Variants in OR14A16 observed in about 807,000 individuals in gnomAD.
OR14A16 encodes the protein olfactory receptor 14A16.
For synonymous variants in OR14A16, 135 were observed against 137.6 expected (o/e 0.98, Z 0.13); for missense variants, 341 against 366.5 (o/e 0.93, Z 0.57).
intron 2 of OR14A16, among the ~76,000 whole-genome samples, chr1:247,816,826 C>T (rs962479121): frequency 3.3e-5 from 5 of 150,786 alleles, no homozygotes; most frequent in African/African-American, 1.2e-4. Context: ...ACTTTTTTCT[C>T]ATATTTAATA....
At position 247,814,794 on chromosome 1, in the gene OR14A16, C is replaced by T; in HGVS notation, c.*6G>A. Reference sequence around the variant, plus strand: ...TCTATTATTGAAAGAAGAAAAGCAACAGCTTTTACTTTTTGGTGAGCTTTC... The same window carrying T: ...TCTATTATTGAAAGAAGAAAAGCAATAGCTTTTACTTTTTGGTGAGCTTTC... On this transcript the variant is annotated 3_prime_UTR_variant, in exon 3 of 3. Transcript: ENST00000641093. The T allele has an allele frequency of 6.6e-7, 1 of 1,507,916 alleles. No homozygotes were observed. The highest frequency in any genetic ancestry group is 2.3e-5 in the East Asian group (1 of 43,914). 93.4% of individuals were successfully genotyped at this position (1,507,916 alleles called of 1,614,324 possible). A position where few individuals can be genotyped will look rare whatever the true frequency, so the allele number is the denominator to read the frequency against.
chr1:247,819,544 G>A (rs1662690325), intron 1 of OR14A16, among the ~76,000 whole-genome samples: 1 of 152,118 alleles, frequency 6.6e-6, no homozygotes, highest in Non-Finnish European at 1.5e-5. Context: ...GATCCGACTT[G>A]AACTTTTTGT....
chr1:247,822,021 A>G (rs1352657401), intron 1 of OR14A16, among the ~76,000 whole-genome samples: 3 of 152,164 alleles, frequency 2.0e-5, no homozygotes, highest in Admixed American at 2.0e-4. Flanking sequence ...TAAATTTAAA[A>G]ACTCTATTAC....
intron 2 of OR14A16, among the ~76,000 whole-genome samples, chr1:247,818,809 C>T (rs1662674906): frequency 6.6e-6 from 1 of 151,954 alleles, no homozygotes; most frequent in African/African-American, 2.4e-5. Flanking sequence ...AACGAGGTGA[C>T]TACAATCAAC....
intron 2 of OR14A16, among the ~76,000 whole-genome samples, chr1:247,817,219 C>G (rs569282426): frequency 1.3e-5 from 2 of 151,948 alleles, no homozygotes; most frequent in African/African-American, 2.4e-5. Context: ...AAATATTGTG[C>G]CTGTTCTCTC....
At position 247,815,763 on chromosome 1, in the gene OR14A16, A is replaced by C. The variant is rs1662610263; in HGVS notation, c.-15-19T>G. On this transcript the variant is annotated intron_variant, in intron 2 of 2. Transcript: ENST00000641093. ...GAGTAATCTGCAGGAAAAGGAGAAG[A>C]CTGAAGTAAAATATCAATGTCCACT... 2.8e-6 allele frequency: 3 copies of C among 1,086,094 alleles called. No individual in the cohort carries two copies. The highest frequency in any genetic ancestry group is 1.6e-5 in the African/African-American group (1 of 64,186). 67.3% of individuals were successfully genotyped at this position (1,086,094 alleles called of 1,614,324 possible). A position where few individuals can be genotyped will look rare whatever the true frequency, so the allele number is the denominator to read the frequency against.
At chr1:247,820,168 G>A (rs1662706225) in intron 1 of OR14A16, among the ~76,000 whole-genome samples, 1 of 152,050 alleles carries the variant, frequency 6.6e-6, no homozygotes, top group African/African-American at 2.4e-5. Flanking sequence ...TCTGGAACAC[G>A]GGCCTGTAAT....
chr1:247,817,050 C>T (rs556556391), intron 2 of OR14A16, among the ~76,000 whole-genome samples: 1 of 152,292 alleles, frequency 6.6e-6, no homozygotes, highest in East Asian at 1.9e-4. Flanking sequence ...TGGTCTTACT[C>T]TGATGGAAAA....
At chr1:247,820,719 G>A (rs553107929) in intron 1 of OR14A16, among the ~76,000 whole-genome samples, 102 of 150,854 alleles carry the variant, frequency 6.8e-4, no homozygotes, top group Middle Eastern at 3.4e-3. Context: ...AATTACCCAA[G>A]CGTGGTGGTG....
intron 2 of OR14A16, among the ~76,000 whole-genome samples, chr1:247,816,411 T>C (rs558404666): frequency 2.0e-5 from 3 of 152,294 alleles, no homozygotes; most frequent in African/African-American, 4.8e-5. Context: ...CACACATGGT[T>C]ACTGTAGGCA....
intron 2 of OR14A16, among the ~76,000 whole-genome samples, chr1:247,818,390 A>G (rs1301045014): frequency 2.0e-5 from 3 of 152,256 alleles, no homozygotes; most frequent in African/African-American, 7.2e-5. Context: ...TGCTAGGTAT[A>G]TAACTGAATG....
intron 2 of OR14A16, among the ~76,000 whole-genome samples, chr1:247,816,817 C>CT (rs1157666184): frequency 6.6e-6 from 1 of 151,748 alleles, no homozygotes; most frequent in African/African-American, 2.4e-5. Flanking sequence ...GCCACTTTGA[C>CT]TTTTTTCTCA....
chr1:247,821,225 A>G (rs55930151), intron 1 of OR14A16, among the ~76,000 whole-genome samples: 2 of 152,190 alleles, frequency 1.3e-5, no homozygotes, highest in Admixed American at 6.5e-5. Flanking sequence ...TGAGAGGAAC[A>G]TATCTTCTGC....
In OR14A16 at chr1:247,815,260, T is replaced by A. The variant is rs201817284; in HGVS notation, c.470A>T (p.His157Leu). The change falls in exon 3 of 3, where the codon CAC becomes CTC. Residue 157 changes from histidine (H) to leucine (L), a missense_variant. His to Leu is a moderately conservative substitution (Grantham distance 99). Coordinates refer to ENST00000641093, the MANE Select transcript of OR14A16 (RefSeq NM_001001966.2). ...WLYGGLIAVMHTAGTFSLSYC... is the reference protein window; with the variant it reads ...WLYGGLIAVMLTAGTFSLSYC... ...GGATAAGGAGAAGGTGCCAGCTGTG[T>A]GCATCACAGCAATCAGACCCCCATA... The A allele has an allele frequency of 2.4e-5, 39 of 1,612,404 alleles. 2 individuals are homozygous for A. The highest frequency in any genetic ancestry group is 1.8e-4 in the East Asian group (8 of 44,878).
chr1:247,818,152 T>C (rs1662662573), intron 2 of OR14A16, among the ~76,000 whole-genome samples: 1 of 152,140 alleles, frequency 6.6e-6, no homozygotes, highest in Admixed American at 6.5e-5. Context: ...ATGTGATTTT[T>C]ATCATCAGAG....
In OR14A16 at chr1:247,815,200, C is replaced by A; in HGVS notation, c.530G>T (p.Cys177Phe). 6.2e-7 allele frequency: 1 copy of A among 1,612,274 alleles called. No individual in the cohort carries two copies. The highest frequency in any genetic ancestry group is 1.7e-5 in the Admixed American group (1 of 59,574). The change falls in exon 3 of 3, where the codon TGT becomes TTT. Residue 177 changes from cysteine to phenylalanine, a missense_variant. Cys to Phe is a radical substitution (Grantham distance 205). Transcript: ENST00000641093. ...AATAGCTAATAACTGGGGAATGTCA[C>A]AGAAGAACTGATGGACCATGTTGGA... ...CGSNMVHQFFCDIPQLLAISC... is the reference protein window; with the variant it reads ...CGSNMVHQFFFDIPQLLAISC...
Position 247,821,980 on chromosome 1 carries a change from T to G in OR14A16, c.-131+1973A>C, listed in dbSNP as rs140161053. On this transcript the variant is annotated intron_variant, in intron 1 of 2. Transcript: ENST00000641093. ...GTTTTATACTTATAACAGGCTATTT[T>G]AAGGTGTTAACAATTTAACTTTATC... Among the ~76,000 whole-genome samples, 82 of 152,326 alleles carry G rather than the reference T, an allele frequency of 5.4e-4. 2 individuals are homozygous for G. In the East Asian group the frequency reaches 0.014, roughly 26 times the overall value.
chr1:247,818,275 T>C (rs912679564), intron 2 of OR14A16, among the ~76,000 whole-genome samples: 4 of 152,302 alleles, frequency 2.6e-5, no homozygotes, highest in Non-Finnish European at 5.9e-5. Context: ...AAGGGAATTG[T>C]ACACTGTTGG....
intron 1 of OR14A16, among the ~76,000 whole-genome samples, chr1:247,819,625 A>C (rs1016860004): frequency 7.3e-4 from 111 of 152,260 alleles, no homozygotes; most frequent in African/African-American, 2.6e-3. Context: ...GTAGATAGTG[A>C]AATAATAATA....
Sources: gnomAD v4.1 joint callset for allele counts (sites outside exome capture counted in the v4.1 genomes callset) on GRCh38, gnomAD v4.1.1 for gene constraint, MANE v1.5 for transcripts, NCBI Gene and HGNC (gene_info 2026-07-23, HGNC 2026-07-21) for gene names.